PPP1R12A: variants seen among roughly 807,000 people sequenced by gnomAD.
The protein encoded by PPP1R12A is myosin binding subunit.
Under a neutral mutation model 139.6 loss-of-function variants are expected in PPP1R12A, and 19 were observed. The ratio of observed to expected loss-of-function variants is 0.14; its 90% CI spans 0.09 to 0.20. The LOEUF is 0.20. Among genes scored for constraint, PPP1R12A ranks in the 10% least tolerant of loss-of-function variants. PPP1R12A has a pLI of 1.00. For synonymous variants in PPP1R12A, 427 were observed against 420.6 expected, an observed-to-expected ratio of 1.02 and a Z score of -0.19; for missense variants, 925 against 1,211.5, an observed-to-expected ratio of 0.76 and a Z score of 3.51.
At position 79,805,615 on chromosome 12, in the gene PPP1R12A, TGTG is replaced by T. The variant is rs1873730335; in HGVS notation, c.1974_1976del (p.Thr660del). On this transcript the variant is annotated inframe_deletion, in exon 14 of 25. Transcript: ENST00000450142. ...ACCTGCGTCTCTCCCTGACCTCTGT[TGTG>T]GAGGAGACAGTGCCAGCAGTAGTTG... is the stretch of plus-strand genomic sequence containing the variant. 6.2e-7 allele frequency: 1 copy of T among 1,613,582 alleles called. No individual in the cohort carries two copies. The highest frequency in any genetic ancestry group is 8.5e-7 in the Non-Finnish European group (1 of 1,179,768).
intron 1 of PPP1R12A, among the ~76,000 whole-genome samples, chr12:79,877,457 A>G (rs1451979902): frequency 6.6e-6 from 1 of 152,198 alleles, no homozygotes; most frequent in East Asian, 1.9e-4. Flanking sequence ...ATGCTGAGAT[A>G]AGAGAGTGAC....
intron 1 of PPP1R12A, among the ~76,000 whole-genome samples, chr12:79,880,817 G>A (rs1025103349): frequency 4.6e-5 from 7 of 152,054 alleles, no homozygotes; most frequent in Middle Eastern, 3.4e-3. Flanking sequence ...AAGGTTTGTG[G>A]CAACCCCGTG....
chr12:79,923,057 CTGAGGT>C (rs1421425461), intron 1 of PPP1R12A, among the ~76,000 whole-genome samples: 6 of 152,016 alleles, frequency 3.9e-5, no homozygotes, highest in Non-Finnish European at 8.8e-5. Flanking sequence ...GGTAGATCAC[CTGAGGT>C]CAGGAGTTCA....
At chr12:79,789,619 G>C in intron 20 of PPP1R12A, 1 of 452,164 alleles carries the variant, frequency 2.2e-6, no homozygotes, top group South Asian at 1.6e-5. Flanking sequence ...GATGCCATTG[G>C]CTCTGCATTT....
chr12:79,823,443 G>A (rs1379197905), intron 5 of PPP1R12A, among the ~76,000 whole-genome samples: 2 of 151,980 alleles, frequency 1.3e-5, no homozygotes, highest in African/African-American at 2.4e-5. Context: ...AACAAACCTC[G>A]TTTCTATACC....
Position 79,798,338 on chromosome 12 carries a change from C to A in PPP1R12A, c.2091+156G>T, listed in dbSNP as rs559250651. ...GAATTACTAGAATAACTACAGCAAC[C>A]TTTACCTTTTAAGGATTTACTCACA... On this transcript the variant is annotated intron_variant, in intron 15 of 24. Transcript: ENST00000450142. Among the ~76,000 whole-genome samples, 17 of 152,226 alleles carry A rather than the reference C, an allele frequency of 1.1e-4. No homozygotes were observed. The South Asian group carries it at 3.5e-3, about 32-fold the overall frequency.
chr12:79,799,438 C>G (rs1022471811), intron 14 of PPP1R12A, among the ~76,000 whole-genome samples: 3 of 152,206 alleles, frequency 2.0e-5, no homozygotes, highest in African/African-American at 7.2e-5. Context: ...GCGTGGGCCA[C>G]CGCGCCCGGT....
intron 1 of PPP1R12A, among the ~76,000 whole-genome samples, chr12:79,900,844 TG>T (rs1885573579): frequency 6.6e-6 from 1 of 152,212 alleles, no homozygotes. Context: ...ACTATTCATC[TG>T]GGTATCCATG....
intron 9 of PPP1R12A, among the ~76,000 whole-genome samples, chr12:79,812,398 G>GTGTGTGTA (rs1874697703): frequency 6.7e-6 from 1 of 148,884 alleles, no homozygotes; most frequent in Non-Finnish European, 1.5e-5. Flanking sequence ...GTGCGTGTGT[G>GTGTGTGTA]TGTGTGTGTG....
chr12:79,821,086 G>T lies in PPP1R12A; in HGVS notation c.948C>A (p.Thr316=). Residue 316 remains threonine (T), a synonymous_variant, in exon 7 of 25, where the codon ACC becomes ACA. Transcript: ENST00000450142. ...TTGAATATTTTACTCACTTTTTAAA[G>T]GTCTTCTGTGACTGATTATTGTCCA... ...ANMDNNQSQK[T]FKNKETLIIE... 6.2e-7 allele frequency: 1 copy of T among 1,610,354 alleles called. No individual in the cohort carries two copies.
chr12:79,916,607 C>A (rs1012727252), intron 1 of PPP1R12A, among the ~76,000 whole-genome samples: 1 of 152,114 alleles, frequency 6.6e-6, no homozygotes, highest in Middle Eastern at 3.2e-3. Context: ...TTTCTGTAGT[C>A]CACTTGCAAA....
chr12:79,801,197 T>C (rs1220811661), intron 14 of PPP1R12A, among the ~76,000 whole-genome samples: 1 of 150,830 alleles, frequency 6.6e-6, no homozygotes, highest in Non-Finnish European at 1.5e-5. Flanking sequence ...AATACAAAAT[T>C]AGCCGGGCGT....
chr12:79,817,801 AAAAAG>A (rs1471245223), intron 8 of PPP1R12A, among the ~76,000 whole-genome samples: 2 of 152,236 alleles, frequency 1.3e-5, no homozygotes, highest in African/African-American at 4.8e-5. Context: ...TGAAGAAAAT[AAAAAG>A]AAATTTAAGA....
At chr12:79,861,592 CA>C (rs776883822) in intron 2 of PPP1R12A, among the ~76,000 whole-genome samples, 62 of 152,220 alleles carry the variant, frequency 4.1e-4, no homozygotes, top group Non-Finnish European at 8.2e-4. Flanking sequence ...CCTGGAGGAG[CA>C]GTATACTCCT....
At chr12:79,830,111 A>G (rs1321355577) in intron 4 of PPP1R12A, among the ~76,000 whole-genome samples, 3 of 152,132 alleles carry the variant, frequency 2.0e-5, no homozygotes, top group Admixed American at 6.5e-5. Flanking sequence ...GTTAAAAAAA[A>G]AAAGAATGAA....
intron 22 of PPP1R12A, among the ~76,000 whole-genome samples, chr12:79,783,604 A>G (rs1870753386): frequency 1.3e-5 from 2 of 152,248 alleles, no homozygotes; most frequent in South Asian, 4.1e-4. Context: ...TTTAAAAATA[A>G]ATCATAGAAA....
At chr12:79,891,376 C>A (rs967811837) in intron 1 of PPP1R12A, among the ~76,000 whole-genome samples, 5 of 151,838 alleles carry the variant, frequency 3.3e-5, no homozygotes, top group African/African-American at 9.7e-5. Context: ...AAGAGGGGCA[C>A]TGAACATTTA....
At chr12:79,829,900 C>A (rs993302819) in intron 4 of PPP1R12A, among the ~76,000 whole-genome samples, 7 of 151,910 alleles carry the variant, frequency 4.6e-5, no homozygotes, top group Non-Finnish European at 1.0e-4. Context: ...GGAAGTGAAA[C>A]AACAACCAAC....
chr12:79,812,668 G>C (rs527357813), intron 9 of PPP1R12A, among the ~76,000 whole-genome samples: 91 of 150,424 alleles, frequency 6.0e-4, no homozygotes, highest in African/African-American at 2.2e-3. Flanking sequence ...GTCTATTCTA[G>C]GTAAAATTCT....
Sources: gnomAD v4.1 joint callset for allele counts (sites outside exome capture counted in the v4.1 genomes callset) on GRCh38, gnomAD v4.1.1 for gene constraint, MANE v1.5 for transcripts, NCBI Gene and HGNC (gene_info 2026-07-23, HGNC 2026-07-21) for gene names.